Variants in MIER3 observed in about 807,000 individuals in gnomAD.
MIER3 encodes the protein MIER family member 3.
In MIER3, 9 loss-of-function variants were observed where a neutral mutation model predicts 63.2. The ratio of observed to expected loss-of-function variants is 0.14; its 90% confidence interval spans 0.09 to 0.25. The LOEUF is 0.25. Among genes scored for constraint, MIER3 ranks in the 10% least tolerant of loss-of-function variants. MIER3 has a pLI of 1.00. For missense variants in MIER3, 512 were observed against 666.2 expected (o/e 0.77, Z 2.55); for synonymous variants, 205 against 224.9 (o/e 0.91, Z 0.79).
chr5:56,937,406 G>A (rs1352597035), intron 5 of MIER3, among the ~76,000 whole-genome samples, 172 bp downstream of exon 5: 1 of 152,132 alleles, frequency 6.6e-6, no homozygotes, highest in African/African-American at 2.4e-5. Context: ...TGGCATATTA[G>A]TTCACCTCTA....
At chr5:56,945,839 A>G (rs183314382) in intron 3 of MIER3, among the ~76,000 whole-genome samples, 2 of 152,362 alleles carry the variant, frequency 1.3e-5, no homozygotes, top group Admixed American at 1.3e-4. Context: ...AAAAAAGATT[A>G]AGAGAATACA....
intron 4 of MIER3, 91 bp from the exon 5 acceptor site, chr5:56,937,789 C>T: frequency 1.8e-6 from 2 of 1,110,342 alleles, no homozygotes; most frequent in Non-Finnish European, 2.4e-6. Context: ...CATTAAGAAG[C>T]AGTTGGAACC....
At chr5:56,948,485 G>A (rs1039927445) in intron 2 of MIER3, among the ~76,000 whole-genome samples, 17 of 152,030 alleles carry the variant, frequency 1.1e-4, no homozygotes, top group African/African-American at 2.4e-4. Context: ...TCAACATAGC[G>A]AAACCCTGTC....
intron 3 of MIER3, 101 bp from the exon 4 acceptor site, chr5:56,939,118 C>T: frequency 7.8e-7 from 1 of 1,280,866 alleles, no homozygotes; most frequent in Non-Finnish European, 1.0e-6. Flanking sequence ...ATTATCAAAA[C>T]AGCAGAACAA....
At chr5:56,926,862 T>C (rs561829163) in intron 10 of MIER3, among the ~76,000 whole-genome samples, 3 of 150,792 alleles carry the variant, frequency 2.0e-5, no homozygotes, top group South Asian at 4.2e-4. Context: ...GGTACATCCA[T>C]ATAATGGAAT....
In MIER3 at chr5:56,924,059, AT is replaced by A; in HGVS notation, c.925-18del. The A allele has an allele frequency of 6.3e-7, 1 of 1,588,288 alleles. No homozygotes were observed. The highest frequency in any genetic ancestry group is 8.5e-7 in the Non-Finnish European group (1 of 1,171,022). On this transcript the variant is annotated intron_variant, in intron 10 of 12. Coordinates refer to ENST00000381199, the MANE Select transcript of MIER3 (RefSeq NM_001297599.2). ...AGTTCTCACCTAATGAAAAAGTTGAATTTTTAAAAAACCAACAAACTCAACC... is the reference window on the plus strand; with the variant it reads ...AGTTCTCACCTAATGAAAAAGTTGAATTTTAAAAAACCAACAAACTCAACC...
At chr5:56,952,037 G>A in intron 1 of MIER3, 57 bp downstream of exon 1, 2 of 1,254,670 alleles carry the variant, frequency 1.6e-6, no homozygotes, top group Non-Finnish European at 2.0e-6. Flanking sequence ...GGGGGTCGCG[G>A]GGAGCCGCCG....
chr5:56,924,219 C>T (rs1749841378), intron 10 of MIER3, among the ~76,000 whole-genome samples, 177 bp from the exon 11 acceptor site: 2 of 151,906 alleles, frequency 1.3e-5, no homozygotes, highest in Non-Finnish European at 2.9e-5. Flanking sequence ...AATGCCTTTA[C>T]ATTTAATAAT....
In MIER3 at chr5:56,923,408, G is replaced by A; in HGVS notation, c.1373C>T (p.Thr458Ile). The A allele has an allele frequency of 6.2e-7, 1 of 1,614,190 alleles. No homozygotes were observed. The highest frequency in any genetic ancestry group is 1.1e-5 in the South Asian group (1 of 91,092). ...GTTTAGCTCCGAGTGATAAAATCCA[G>A]TCTCAAATAAATTAAAACAATCACT... The part of the protein sequence containing the change: ...GESDCFNLFE[T>I]GFYHSELNPM... Residue 458 changes from threonine (T) to isoleucine (I), a missense_variant, in exon 13 of 13, where the codon ACT becomes ATT. By Grantham distance (89) the Thr-to-Ile change is moderately conservative. Coordinates refer to ENST00000381199, the MANE Select transcript of MIER3 (RefSeq NM_001297599.2).
chr5:56,938,163 T>C (rs564821193), intron 4 of MIER3: 1 of 390,930 alleles, frequency 2.6e-6, no homozygotes, highest in Non-Finnish European at 5.3e-6. Context: ...TTAATTTTTA[T>C]GTAAGTATAC....
intron 10 of MIER3, among the ~76,000 whole-genome samples, chr5:56,926,780 A>T (rs1329574642): frequency 6.6e-6 from 1 of 152,180 alleles, no homozygotes; most frequent in South Asian, 2.1e-4. Flanking sequence ...GAATATTTAT[A>T]GCTTTAATGA....
Position 56,921,433 on chromosome 5 carries a change from A to G in MIER3, c.*1695T>C, listed in dbSNP as rs1373440968. 6.6e-6 allele frequency: 1 copy of G among 152,580 alleles called. No homozygotes were observed. Among genetic ancestry groups the G allele is most frequent in the Non-Finnish European group, 1.5e-5 (1 of 68,006 alleles). 9.5% of individuals were successfully genotyped at this position (152,580 alleles called of 1,614,324 possible). On this transcript the variant is annotated 3_prime_UTR_variant, in exon 13 of 13. Transcript: ENST00000381199. ...GGAATGCTATACTTCAGATGTATAA[A>G]TTAGAGACTGATTTTAAGTTATTAA...
At chr5:56,940,876 C>G in intron 3 of MIER3, 1 of 679,460 alleles carries the variant, frequency 1.5e-6, no homozygotes, top group South Asian at 6.7e-5. Flanking sequence ...CCCTTTGGCT[C>G]ATATTGGTTC....
At chr5:56,952,190 G>A (rs1751065392), upstream of MIER3, 5 of 1,097,710 alleles carry the variant, frequency 4.6e-6, no homozygotes, top group Non-Finnish European at 5.6e-6. Flanking sequence ...CGCCACCGCC[G>A]CGGTCCGCCC....
At chr5:56,942,810 A>G (rs1579859674) in intron 3 of MIER3, among the ~76,000 whole-genome samples, 1 of 152,186 alleles carries the variant, frequency 6.6e-6, no homozygotes, top group East Asian at 1.9e-4. Context: ...GAAACTGAGC[A>G]AGAGAAAGAC....
rs908067570 is a variant in MIER3, at chr5:56,924,163, G to A, written c.925-121C>T. 7.5e-6 allele frequency: 7 copies of A among 929,664 alleles called. No individual in the cohort carries two copies. The African/African-American group carries it at 1.2e-4, about 16-fold the overall frequency. 57.6% of individuals were successfully genotyped at this position (929,664 alleles called of 1,614,324 possible). A position where few individuals can be genotyped will look rare whatever the true frequency, so the allele number is the denominator to read the frequency against. ...TCTTATTTTCCCATTATATAGTTCT[G>A]AACACTTTTAATAAATTATAAAGTT... On this transcript the variant is annotated intron_variant, in intron 10 of 12. Transcript: ENST00000381199.
At chr5:56,937,359 G>A (rs1305176988) in intron 5 of MIER3, among the ~76,000 whole-genome samples, 2 of 152,146 alleles carry the variant, frequency 1.3e-5, no homozygotes, top group African/African-American at 4.8e-5. Context: ...TTACAGGTGT[G>A]AGCCACTGCA....
chr5:56,928,667 AT>A (rs1242090249), intron 10 of MIER3, 99 bp downstream of exon 10: 6 of 762,112 alleles, frequency 7.9e-6, no homozygotes, highest in Non-Finnish European at 1.1e-5. Context: ...ATAAGGGAAC[AT>A]TAGTAAGTTG....
chr5:56,949,547 G>C (rs539672442), intron 2 of MIER3, among the ~76,000 whole-genome samples: 1 of 152,108 alleles, frequency 6.6e-6, no homozygotes, highest in Non-Finnish European at 1.5e-5. Context: ...AAAATTTTTA[G>C]AATTTTAAAG....
Sources: gnomAD v4.1 joint callset for allele counts (sites outside exome capture counted in the v4.1 genomes callset) on GRCh38, gnomAD v4.1.1 for gene constraint, MANE v1.5 for transcripts, NCBI Gene and HGNC (gene_info 2026-07-23, HGNC 2026-07-21) for gene names.